The following CSMD1 variants were observed in gnomAD, a reference collection of about 807,000 sequenced individuals.
CSMD1 encodes CUB and sushi domain-containing protein 1.
In CSMD1, 213 loss-of-function variants were observed where a neutral mutation model predicts 417.5. The ratio of observed to expected loss-of-function variants is 0.51; its 90% CI spans 0.46 to 0.57. The LOEUF is 0.57. CSMD1 is among the 20% of genes least tolerant of loss of function. CSMD1 has a pLI of 0.00. For synonymous variants in CSMD1, 2,862 were observed against 1,736.8 expected (o/e 1.65, Z -16.11); for missense variants, 6,923 against 4,529.7 (o/e 1.53, Z -15.17).
chr8:4,744,924 A>G (rs1810858749), intron 1 of CSMD1, among the ~76,000 whole-genome samples: 1 of 152,196 alleles, frequency 6.6e-6, no homozygotes, highest in Admixed American at 6.5e-5. Context: ...TAAAAATCCA[A>G]ATCAACATTT....
intron 25 of CSMD1, among the ~76,000 whole-genome samples, chr8:3,297,231 T>TA (rs1804036722): frequency 6.6e-6 from 1 of 152,194 alleles, no homozygotes; most frequent in Non-Finnish European, 1.5e-5. Context: ...TTCAGTATTA[T>TA]AAAAGATGTC....
chr8:4,120,729 G>C (rs953091497), intron 3 of CSMD1, among the ~76,000 whole-genome samples: 4 of 152,200 alleles, frequency 2.6e-5, no homozygotes. Flanking sequence ...CTCATGCAGA[G>C]AATGTCAGGC....
chr8:3,695,151 G>A (rs58910976), intron 7 of CSMD1, among the ~76,000 whole-genome samples: 40,898 of 149,532 alleles, frequency 0.27, 5,928 homozygotes, highest in African/African-American at 0.38. Context: ...GATATTGCAG[G>A]AGCACAGGGG....
chr8:4,770,499 A>G (rs1796544949), intron 1 of CSMD1, among the ~76,000 whole-genome samples: 1 of 151,696 alleles, frequency 6.6e-6, no homozygotes, highest in Non-Finnish European at 1.5e-5. Flanking sequence ...AAGACCTCAA[A>G]TAGCCAAAGC....
chr8:4,484,915 G>C (rs1342058642), intron 2 of CSMD1, among the ~76,000 whole-genome samples: 3 of 144,328 alleles, frequency 2.1e-5, no homozygotes, highest in Admixed American at 7.4e-5. Context: ...AGAGGTTGCA[G>C]TGAGCCGAGA....
At chr8:4,460,651 T>TTCTTC (rs1431350414) in intron 2 of CSMD1, among the ~76,000 whole-genome samples, 1 of 152,122 alleles carries the variant, frequency 6.6e-6, no homozygotes, top group Non-Finnish European at 1.5e-5. Flanking sequence ...CTTACAGATA[T>TTCTTC]TTAAGAAGAA....
intron 1 of CSMD1, among the ~76,000 whole-genome samples, chr8:4,931,896 T>C (rs1160353193): frequency 6.6e-6 from 1 of 152,212 alleles, no homozygotes; most frequent in Non-Finnish European, 1.5e-5. Context: ...TGGAGATATG[T>C]ACTTTAGAAA....
intron 21 of CSMD1, among the ~76,000 whole-genome samples, chr8:3,358,278 TCC>T (rs1808928859): frequency 6.6e-6 from 1 of 152,268 alleles, no homozygotes; most frequent in African/African-American, 2.4e-5. Context: ...ATCTCTCATC[TCC>T]CTTTTTTCTT....
At chr8:4,387,761 A>G (rs1401966310) in intron 3 of CSMD1, among the ~76,000 whole-genome samples, 1 of 152,072 alleles carries the variant, frequency 6.6e-6, no homozygotes, top group Non-Finnish European at 1.5e-5. Context: ...CAAAAATCCT[A>G]TCTGAAGGCT....
chr8:3,303,929 ATTTTGGGGTATTG>A (rs1804608353), intron 25 of CSMD1, among the ~76,000 whole-genome samples: 1 of 74,388 alleles, frequency 1.3e-5, no homozygotes, highest in Non-Finnish European at 3.3e-5. Flanking sequence ...AATAATAACT[ATTTTGGGGTATTG>A]CGCCCCATTA....
chr8:3,129,918 T>C lies in CSMD1; in HGVS notation c.6242-11331A>G, dbSNP rs564262547. Among the ~76,000 whole-genome samples the C allele has an allele frequency of 1.1e-4, 17 of 151,918 alleles. No individual in the cohort carries two copies. In the South Asian group the frequency reaches 3.1e-3, roughly 28 times the overall value. ...ATCACCTGAGCCCGGGGGGCGGAGG[T>C]TGCAGTGAGCCGAGATCGCGCCACT... is the stretch of plus-strand genomic sequence containing the variant. On this transcript the variant is annotated intron_variant, in intron 41 of 69. Coordinates refer to ENST00000635120, the MANE Select transcript of CSMD1 (RefSeq NM_033225.6).
At chr8:4,139,939 T>C (rs1803680600) in intron 3 of CSMD1, among the ~76,000 whole-genome samples, 1 of 149,114 alleles carries the variant, frequency 6.7e-6, no homozygotes, top group Non-Finnish European at 1.5e-5. Flanking sequence ...AAAGGAAGTG[T>C]GGATGGCAGC....
In CSMD1 at chr8:4,142,958, G is replaced by T. The variant is rs1803879205; in HGVS notation, c.416-110859C>A. Among the ~76,000 whole-genome samples the T allele has an allele frequency of 2.0e-5, 3 of 148,228 alleles. No homozygotes were observed. In the South Asian group the frequency reaches 6.4e-4, roughly 31 times the overall value. ...TTTGCATCATAAACAGAAATACCCA[G>T]AAACTATCAGATGCTTAGTTTTCAA... On this transcript the variant is annotated intron_variant, in intron 3 of 69. Coordinates refer to ENST00000635120, the MANE Select transcript of CSMD1 (RefSeq NM_033225.6).
chr8:3,666,075 T>C (rs1159318821), intron 7 of CSMD1, among the ~76,000 whole-genome samples: 4 of 152,268 alleles, frequency 2.6e-5, no homozygotes, highest in African/African-American at 7.2e-5. Context: ...TTTGTATCTG[T>C]AGTAGAGACA....
intron 31 of CSMD1, 69 bp from the exon 32 acceptor site, chr8:3,201,794 A>C: frequency 2.4e-6 from 2 of 833,296 alleles, no homozygotes; most frequent in South Asian, 1.8e-5. Context: ...TTTTGATTTC[A>C]CTGAATATCT....
chr8:2,949,144 A>G (rs1053715006), intron 68 of CSMD1, among the ~76,000 whole-genome samples, 155 bp downstream of exon 68: 4 of 146,840 alleles, frequency 2.7e-5, no homozygotes, highest in African/African-American at 1.0e-4. Context: ...TGCTATTCAA[A>G]ATAATTTTTT....
In CSMD1 at chr8:3,505,015, TAAA is replaced by T. The variant is rs34809370; in HGVS notation, c.1345-11292_1345-11290del. Among the ~76,000 whole-genome samples the T allele has an allele frequency of 5.5e-3, 824 of 150,024 alleles. 6 individuals are homozygous for T. Among genetic ancestry groups the T allele is most frequent in the African/African-American group, 0.018 (724 of 41,020 alleles). On this transcript the variant is annotated intron_variant, in intron 10 of 69. Transcript: ENST00000635120. Reference sequence around the variant, plus strand: ...AACAAAACAGTGATGGAGAAACAGTTAAAAAAAAAAAAAGTTTTGCTGCATAAG... The same window carrying T: ...AACAAAACAGTGATGGAGAAACAGTTAAAAAAAAAAGTTTTGCTGCATAAG...
At chr8:4,770,548 T>C (rs1363709788) in intron 1 of CSMD1, among the ~76,000 whole-genome samples, 1 of 151,872 alleles carries the variant, frequency 6.6e-6, no homozygotes, top group African/African-American at 2.4e-5. Flanking sequence ...GGCATTACAC[T>C]TCCTGATTTA....
chr8:4,157,174 T>G (rs1030253774), intron 3 of CSMD1, among the ~76,000 whole-genome samples: 2 of 152,074 alleles, frequency 1.3e-5, no homozygotes, highest in African/African-American at 2.4e-5. Flanking sequence ...GAAGAAGATT[T>G]TGGGACAAGT....
Sources: allele counts gnomAD v4.1 joint callset (sites outside exome capture counted in the v4.1 genomes callset), GRCh38; gene constraint gnomAD v4.1.1; transcripts MANE v1.5; gene names NCBI Gene and HGNC (gene_info 2026-07-23, HGNC 2026-07-21).